Variants in CNTN5 observed in about 807,000 individuals in gnomAD.
CNTN5 encodes contactin 5, also known as contactin-5.
Under a neutral mutation model 129.1 loss-of-function variants are expected in CNTN5, and 77 were observed. That is an observed-to-expected ratio of 0.60 (90% confidence interval 0.50 to 0.72). The LOEUF is 0.72. CNTN5 is among the 30% of genes least tolerant of loss of function. The pLI is 0.00. For synonymous variants in CNTN5, 509 were observed against 465.6 expected, an observed-to-expected ratio of 1.09 and a Z score of -1.20; for missense variants, 1,478 against 1,328.8, an observed-to-expected ratio of 1.11 and a Z score of -1.75.
At chr11:99,488,525 G>T (rs1010992894) in intron 2 of CNTN5, among the ~76,000 whole-genome samples, 1 of 151,892 alleles carries the variant, frequency 6.6e-6, no homozygotes, top group African/African-American at 2.4e-5. Flanking sequence ...CAAAATCTTT[G>T]CTGCTAACCA....
chr11:99,565,365 A>G (rs1411998698), intron 3 of CNTN5, among the ~76,000 whole-genome samples: 2 of 152,210 alleles, frequency 1.3e-5, no homozygotes, highest in Non-Finnish European at 2.9e-5. Context: ...CTAGCAGAGA[A>G]GAGAAAAAGA....
At chr11:99,454,662 C>A (rs1944431688) in intron 2 of CNTN5, among the ~76,000 whole-genome samples, 1 of 152,148 alleles carries the variant, frequency 6.6e-6, no homozygotes, top group Non-Finnish European at 1.5e-5. Flanking sequence ...AACCTCTTTC[C>A]TTTATAAATT....
intron 16 of CNTN5, 39 bp from the exon 17 acceptor site, chr11:100,255,721 A>G: frequency 6.4e-7 from 1 of 1,572,458 alleles, no homozygotes; most frequent in African/African-American, 1.4e-5. Flanking sequence ...TCCTGATAAT[A>G]ATTTGTGCTT....
intron 3 of CNTN5, among the ~76,000 whole-genome samples, chr11:99,700,953 A>C (rs1954493578): frequency 6.6e-6 from 1 of 151,298 alleles, no homozygotes; most frequent in African/African-American, 2.4e-5. Context: ...GACATAGGGC[A>C]GGTGGTTTTT....
chr11:99,566,807 T>C (rs1949020466), intron 3 of CNTN5, among the ~76,000 whole-genome samples: 2 of 152,206 alleles, frequency 1.3e-5, no homozygotes, highest in African/African-American at 4.8e-5. Context: ...TAGAATAGGC[T>C]GGAAAGCCAT....
chr11:99,808,492 C>T (rs1015101369), intron 3 of CNTN5, among the ~76,000 whole-genome samples: 1 of 152,080 alleles, frequency 6.6e-6, no homozygotes, highest in Non-Finnish European at 1.5e-5. Flanking sequence ...GAAGAAATTG[C>T]TGTTAGTTGC....
At chr11:100,110,649 T>G (rs1489614771) in intron 13 of CNTN5, among the ~76,000 whole-genome samples, 4 of 152,184 alleles carry the variant, frequency 2.6e-5, no homozygotes, top group Non-Finnish European at 5.9e-5. Context: ...TTGTCTATAG[T>G]TAGAGGAAAA....
chr11:100,085,704 C>T (rs1295133585), intron 13 of CNTN5, among the ~76,000 whole-genome samples: 1 of 151,912 alleles, frequency 6.6e-6, no homozygotes, highest in African/African-American at 2.4e-5. Context: ...TAATATAATC[C>T]TGATTATAAA....
rs552257553 is a variant in CNTN5, at chr11:99,286,036, T to C, written c.-209-39310T>C. 1.0e-3 allele frequency among the ~76,000 whole-genome samples: 77 copies of C among 76,624 alleles called. 1 individual carries two copies. Among genetic ancestry groups the C allele is most frequent in the South Asian group, 3.0e-3 (5 of 1,678 alleles). 50.3% of individuals were successfully genotyped at this position (76,624 alleles called of 152,430 possible). A position where few individuals can be genotyped will look rare whatever the true frequency, so the allele number is the denominator to read the frequency against. On this transcript the variant is annotated intron_variant, in intron 1 of 24. Transcript: ENST00000524871. ...CTGAGCGACAGAGCAAGACTCCATCTGGAGAAAAAAAAAAAAAAAAAAAGC... is the reference window on the plus strand; with the variant it reads ...CTGAGCGACAGAGCAAGACTCCATCCGGAGAAAAAAAAAAAAAAAAAAAGC...
chr11:99,334,873 T>A (rs1866157734), intron 2 of CNTN5, among the ~76,000 whole-genome samples: 1 of 152,120 alleles, frequency 6.6e-6, no homozygotes, highest in Non-Finnish European at 1.5e-5. Flanking sequence ...TAATAAAACA[T>A]GAAATATAGT....
chr11:99,562,873 T>A (rs1465640678), intron 3 of CNTN5, among the ~76,000 whole-genome samples: 1 of 152,182 alleles, frequency 6.6e-6, no homozygotes. Flanking sequence ...TTTAGATGTC[T>A]ACAATACCCT....
At chr11:100,140,398 A>C (rs1946657986) in intron 13 of CNTN5, among the ~76,000 whole-genome samples, 1 of 152,172 alleles carries the variant, frequency 6.6e-6, no homozygotes, top group African/African-American at 2.4e-5. Flanking sequence ...CATAGGAAGA[A>C]GTGGTTATGA....
chr11:99,996,105 G>C lies in CNTN5; in HGVS notation c.878-5929G>C, dbSNP rs552089622. 3.9e-5 allele frequency among the ~76,000 whole-genome samples: 6 copies of C among 152,130 alleles called. No homozygotes were observed. The South Asian group carries it at 6.2e-4, about 16-fold the overall frequency. On this transcript the variant is annotated intron_variant, in intron 8 of 24. Transcript: ENST00000524871. ...TTACTGACATTGCCAAATTCCCCAAGCTGCAAATTATAGTGTTATTATTGA... is the reference window on the plus strand; with the variant it reads ...TTACTGACATTGCCAAATTCCCCAACCTGCAAATTATAGTGTTATTATTGA...
intron 1 of CNTN5, among the ~76,000 whole-genome samples, chr11:99,181,017 CT>C (rs1242644334): frequency 6.6e-6 from 1 of 152,192 alleles, no homozygotes; most frequent in Non-Finnish European, 1.5e-5. Flanking sequence ...TCATTAAGAG[CT>C]TTTTGTACGT....
intron 17 of CNTN5, among the ~76,000 whole-genome samples, chr11:100,258,333 G>A (rs1242986042): frequency 6.6e-6 from 1 of 152,174 alleles, no homozygotes; most frequent in Non-Finnish European, 1.5e-5. Flanking sequence ...GAAAGTGACA[G>A]GGAGATGGGA....
chr11:100,123,455 G>A (rs551511329), intron 13 of CNTN5, among the ~76,000 whole-genome samples: 4 of 152,070 alleles, frequency 2.6e-5, no homozygotes, highest in East Asian at 1.9e-4. Context: ...GTAATGTAAA[G>A]CATTTTAGTT....
At chr11:99,455,246 A>G (rs1259827294) in intron 2 of CNTN5, among the ~76,000 whole-genome samples, 7 of 152,162 alleles carry the variant, frequency 4.6e-5, no homozygotes, top group Non-Finnish European at 1.0e-4. Flanking sequence ...CAAATAAATT[A>G]GCTACAATGA....
chr11:99,671,491 T>A (rs558826919), intron 3 of CNTN5, among the ~76,000 whole-genome samples: 1 of 152,146 alleles, frequency 6.6e-6, no homozygotes, highest in Admixed American at 6.6e-5. Flanking sequence ...GTGAAACACA[T>A]GCAAATAGCA....
At chr11:99,282,036 G>GTGTA (rs956848153) in intron 1 of CNTN5, among the ~76,000 whole-genome samples, 8 of 151,986 alleles carry the variant, frequency 5.3e-5, no homozygotes, top group African/African-American at 1.9e-4. Flanking sequence ...TTGTTTTACT[G>GTGTA]TGTATGAAAC....
Sources: gnomAD v4.1 joint callset for allele counts (sites outside exome capture counted in the v4.1 genomes callset) on GRCh38, gnomAD v4.1.1 for gene constraint, MANE v1.5 for transcripts, NCBI Gene and HGNC (gene_info 2026-07-23, HGNC 2026-07-21) for gene names.